Variants in PTPRJ observed in about 807,000 individuals in gnomAD.
The protein encoded by PTPRJ is protein tyrosine phosphatase receptor type J.
In PTPRJ, 129 loss-of-function variants were observed where a neutral mutation model predicts 141.3. The observed-to-expected ratio is 0.91, with a 90% CI of 0.79 to 1.06. The LOEUF (loss-of-function observed/expected upper bound fraction) is 1.06, where lower values mean the gene tolerates loss of function less well. Among genes scored for constraint, PTPRJ ranks in the 50% least tolerant of loss-of-function variants. The pLI is 0.00. For missense variants in PTPRJ, 1,601 were observed against 1,679.7 expected (o/e 0.95, Z 0.82); for synonymous variants, 610 against 640.5 (o/e 0.95, Z 0.72).
chr11:48,146,963 G>C lies in PTPRJ; in HGVS notation c.2999G>C (p.Arg1000Thr). The change falls in exon 15 of 25, where the codon AGG (arginine) becomes ACG (threonine). Residue 1000 changes from arginine (R) to threonine (T), a missense_variant and splice_region_variant. Transcript: ENST00000418331. ...VGGFIFWRKK[R>T]KDAKNNEVSF... Reference sequence around the variant, plus strand: ...GGCTTCATCTTCTGGAGAAAGAAGAGGTGATATTGCTTATGCTAATAATAA... The same window carrying C: ...GGCTTCATCTTCTGGAGAAAGAAGACGTGATATTGCTTATGCTAATAATAA... 6.2e-7 allele frequency: 1 copy of C among 1,611,180 alleles called. No individual in the cohort carries two copies. The highest frequency in any genetic ancestry group is 8.5e-7 in the Non-Finnish European group (1 of 1,177,338).
At chr11:48,105,048 G>T (rs1350055196) in intron 1 of PTPRJ, among the ~76,000 whole-genome samples, 2 of 152,248 alleles carry the variant, frequency 1.3e-5, no homozygotes, top group Middle Eastern at 6.8e-3. Flanking sequence ...ACTTGCGACT[G>T]GACGGTAGCA....
rs767330794 is a variant in PTPRJ at position 48,120,952 on chromosome 11, T to TA, written c.353-50dup. 15 of 1,467,054 alleles carry TA rather than the reference T, an allele frequency of 1.0e-5. No individual in the cohort carries two copies. In the African/African-American group the frequency reaches 1.6e-4, roughly 15 times the overall value. 90.9% of individuals were successfully genotyped at this position (1,467,054 alleles called of 1,614,324 possible). ...AGACATATAGAGCAGACCTCACTCT[T>TA]ACATTTCTTTTTGAAGTGCAATAAT... is the stretch of plus-strand genomic sequence containing the variant. On this transcript the variant is annotated intron_variant, in intron 3 of 24. Transcript: ENST00000418331.
At chr11:48,018,659 T>C (rs951115760) in intron 1 of PTPRJ, among the ~76,000 whole-genome samples, 1 of 152,196 alleles carries the variant, frequency 6.6e-6, no homozygotes, top group African/African-American at 2.4e-5. Flanking sequence ...CCTTTGTCAG[T>C]GTCAGCGAGG....
chr11:48,039,550 C>T (rs1346370450), intron 1 of PTPRJ, among the ~76,000 whole-genome samples: 3 of 151,024 alleles, frequency 2.0e-5, no homozygotes, highest in Admixed American at 6.6e-5. Context: ...TGTGTATGCA[C>T]GTGTGTGGCC....
chr11:48,141,198 A>C (rs1857222522), intron 11 of PTPRJ, among the ~76,000 whole-genome samples: 1 of 152,216 alleles, frequency 6.6e-6, no homozygotes, highest in Non-Finnish European at 1.5e-5. Flanking sequence ...TATATAAAAA[A>C]AATGGGAATA....
intron 8 of PTPRJ, among the ~76,000 whole-genome samples, chr11:48,133,523 T>C (rs1857024540): frequency 6.6e-6 from 1 of 152,172 alleles, no homozygotes; most frequent in Non-Finnish European, 1.5e-5. Context: ...TTTATTGTTA[T>C]TGGAAAAAGT....
intron 6 of PTPRJ, among the ~76,000 whole-genome samples, chr11:48,127,054 T>C (rs905477): frequency 0.71 from 108,232 of 151,838 alleles, 39,075 homozygotes; most frequent in East Asian, 0.81. Context: ...GAGCAGGAGG[T>C]GATGGAGGAA....
At chr11:48,010,227 G>A (rs1289962335) in intron 1 of PTPRJ, among the ~76,000 whole-genome samples, 1 of 152,078 alleles carries the variant, frequency 6.6e-6, no homozygotes, top group African/African-American at 2.4e-5. Context: ...GCCCAGGCTG[G>A]AGTAGAGTGG....
intron 1 of PTPRJ, among the ~76,000 whole-genome samples, chr11:48,030,874 A>T (rs753297456): frequency 1.3e-5 from 2 of 152,220 alleles, no homozygotes; most frequent in Non-Finnish European, 2.9e-5. Context: ...ACTCAGTCAG[A>T]TGCACACACT....
intron 1 of PTPRJ, among the ~76,000 whole-genome samples, chr11:48,090,810 C>T (rs968279871): frequency 5.3e-5 from 8 of 152,036 alleles, no homozygotes; most frequent in African/African-American, 1.7e-4. Flanking sequence ...TGGAGCTGTC[C>T]GTCCCCTGGT....
At chr11:48,112,417 C>T (rs1565308804) in intron 2 of PTPRJ, among the ~76,000 whole-genome samples, 1 of 152,202 alleles carries the variant, frequency 6.6e-6, no homozygotes. Context: ...GTAATGAATT[C>T]AAGATAAAGC....
intron 1 of PTPRJ, among the ~76,000 whole-genome samples, chr11:48,009,008 A>G (rs1304273336): frequency 6.6e-6 from 1 of 152,226 alleles, no homozygotes; most frequent in East Asian, 1.9e-4. Context: ...GTTGAAAGTC[A>G]TTGTCTTACT....
intron 1 of PTPRJ, among the ~76,000 whole-genome samples, chr11:48,033,839 A>G (rs1430900109): frequency 6.6e-6 from 1 of 152,198 alleles, no homozygotes; most frequent in African/African-American, 2.4e-5. Context: ...CTAGGAAGAC[A>G]CCTACCGGAA....
At position 48,146,930 on chromosome 11, in the gene PTPRJ, C is replaced by T; in HGVS notation, c.2966C>T (p.Thr989Ile). The T allele has an allele frequency of 6.2e-7, 1 of 1,614,038 alleles. No homozygotes were observed. The highest frequency in any genetic ancestry group is 8.5e-7 in the Non-Finnish European group (1 of 1,179,978). The change falls in exon 15 of 25, where the codon ACT (threonine) becomes ATT (isoleucine). Residue 989 changes from threonine to isoleucine, a missense_variant. Coordinates refer to ENST00000418331, the MANE Select transcript of PTPRJ (RefSeq NM_002843.4). ...ATCTTTGGTGCCCTGGTTATTGTGACTGTGGGAGGCTTCATCTTCTGGAGA... is the reference window on the plus strand; with the variant it reads ...ATCTTTGGTGCCCTGGTTATTGTGATTGTGGGAGGCTTCATCTTCTGGAGA... ...GCIFGALVIVTVGGFIFWRKK... is the reference protein window; with the variant it reads ...GCIFGALVIVIVGGFIFWRKK...
At chr11:48,052,254 T>A (rs1305444342) in intron 1 of PTPRJ, among the ~76,000 whole-genome samples, 1 of 152,254 alleles carries the variant, frequency 6.6e-6, no homozygotes, top group African/African-American at 2.4e-5. Flanking sequence ...AGTAGAGGCA[T>A]GATTCAACTG....
At chr11:48,105,886 G>C (rs1048301807) in intron 1 of PTPRJ, among the ~76,000 whole-genome samples, 2 of 152,128 alleles carry the variant, frequency 1.3e-5, no homozygotes, top group African/African-American at 4.8e-5. Context: ...CTGGAGATGA[G>C]GGGAGGTAGC....
At chr11:48,110,183 C>G in intron 2 of PTPRJ, 107 bp downstream of exon 2, 2 of 1,240,268 alleles carry the variant, frequency 1.6e-6, no homozygotes, top group Non-Finnish European at 2.3e-6. Flanking sequence ...AAAACCTGCT[C>G]GGTTTCCAAT....
intron 1 of PTPRJ, among the ~76,000 whole-genome samples, chr11:48,020,056 C>T (rs191542958): frequency 2.0e-4 from 31 of 152,292 alleles, no homozygotes; most frequent in Non-Finnish European, 4.0e-4. Flanking sequence ...TATGCTGTTC[C>T]AGTATTTATA....
At chr11:48,026,065 T>G (rs1396602195) in intron 1 of PTPRJ, among the ~76,000 whole-genome samples, 1 of 152,184 alleles carries the variant, frequency 6.6e-6, no homozygotes, top group African/African-American at 2.4e-5. Context: ...AATCACATCT[T>G]TCAGCTTCTA....
Sources: gnomAD v4.1 joint callset for allele counts (sites outside exome capture counted in the v4.1 genomes callset) on GRCh38, gnomAD v4.1.1 for gene constraint, MANE v1.5 for transcripts, NCBI Gene and HGNC (gene_info 2026-07-23, HGNC 2026-07-21) for gene names.